Variants in CCNB3 observed in about 807,000 individuals in gnomAD.
The protein encoded by CCNB3 is cyclin B3, also known as G2/mitotic-specific cyclin-B3.
CCNB3 carries 12 observed loss-of-function variants against 68.0 expected under a neutral mutation model. The ratio of observed to expected loss-of-function variants is 0.18; its 90% CI spans 0.11 to 0.29. The LOEUF is 0.29. CCNB3 is among the 10% of genes least tolerant of loss of function. The pLI, the probability that CCNB3 is intolerant of heterozygous loss-of-function variation, is 1.00. For missense variants in CCNB3, 904 were observed against 993.1 expected (o/e 0.91, Z 1.21); for synonymous variants, 354 against 388.9 (o/e 0.91, Z 1.06).
chrX:50,303,845 T>C (rs782343452), intron 5 of CCNB3, among the ~76,000 whole-genome samples: 100 of 111,331 alleles, frequency 9.0e-4, no homozygotes, highest in African/African-American at 3.2e-3. Flanking sequence ...TCTGAAGAAG[T>C]CTAATTTGTT....
chrX:50,303,602 A>G (rs781824600), intron 5 of CCNB3, among the ~76,000 whole-genome samples: 1 of 110,453 alleles, frequency 9.1e-6, no homozygotes, highest in Non-Finnish European at 1.9e-5. Context: ...GTCTGTTTGG[A>G]TCTTTTGCCC....
At position 50,309,255 on chromosome X, in the gene CCNB3, T is replaced by C. The variant is rs782552876; in HGVS notation, c.1086T>C (p.Leu362=). 6 of 1,211,171 alleles carry C rather than the reference T, an allele frequency of 5.0e-6. No homozygotes were observed. The highest frequency in any genetic ancestry group is 6.7e-6 in the Non-Finnish European group (6 of 895,263). Residue 362 remains leucine, a synonymous_variant, in exon 6 of 13, where the codon CTT becomes CTC. Transcript: ENST00000376042. ...AGACCAACTTTAAAGAGGATTCCCTTGTTAAGGAGTCGTTAGCCTTTAAGA... is the reference window on the plus strand; with the variant it reads ...AGACCAACTTTAAAGAGGATTCCCTCGTTAAGGAGTCGTTAGCCTTTAAGA... ...LQKTNFKEDS[L]VKESLAFKKK...
rs1264385306 is a variant in CCNB3, at chrX:50,226,279, ATTTATATATATAG to A, written c.-113+21330_-113+21342del. ...ATATTTATATATATAGAATATATAT[ATTTATATATATAG>A]AATATATATATAGAAATATATAAAC... On this transcript the variant is annotated intron_variant, in intron 1 of 12. Coordinates refer to ENST00000376042, the MANE Select transcript of CCNB3 (RefSeq NM_033031.3). Among the ~76,000 whole-genome samples the A allele has an allele frequency of 2.0e-3, 132 of 64,397 alleles. 2 individuals are homozygous for A. The highest frequency in any genetic ancestry group is 9.0e-3 in the African/African-American group (129 of 14,277). 55.9% of individuals were successfully genotyped at this position (64,397 alleles called of 115,157 possible).
chrX:50,335,607 A>T (rs1328115597), intron 8 of CCNB3, among the ~76,000 whole-genome samples: 3 of 111,962 alleles, frequency 2.7e-5, no homozygotes, highest in Non-Finnish European at 5.6e-5. Context: ...CCCCAGGCTT[A>T]ACTTCTATGA....
rs782768940 is a variant in CCNB3, at chrX:50,309,235, A to G, written c.1066A>G (p.Asn356Asp). The G allele has an allele frequency of 4.1e-6, 5 of 1,211,328 alleles. No individual in the cohort carries two copies. In the South Asian group the frequency reaches 8.8e-5, roughly 21 times the overall value. ...GAAATCATTGGCCTTGCAGAAGACC[A>G]ACTTTAAAGAGGATTCCCTTGTTAA... Reference protein sequence around the residue: ...LKKSLALQKTNFKEDSLVKES... With the variant: ...LKKSLALQKTDFKEDSLVKES... The change falls in exon 6 of 13, where the codon AAC becomes GAC. Residue 356 changes from asparagine to aspartate, a missense_variant. This residue lies in a region of CCNB3 where 619 missense variants were observed against 609.8 expected (regional missense o/e 1.02). Coordinates refer to ENST00000376042, the MANE Select transcript of CCNB3 (RefSeq NM_033031.3).
At chrX:50,227,162 A>G (rs1168424651) in intron 1 of CCNB3, among the ~76,000 whole-genome samples, 1 of 82,087 alleles carries the variant, frequency 1.2e-5, no homozygotes, top group Admixed American at 1.7e-4. Context: ...ATATATGTAG[A>G]ATATATATAT....
At chrX:50,298,833 A>G (rs782715310) in intron 5 of CCNB3, among the ~76,000 whole-genome samples, 1 of 111,822 alleles carries the variant, frequency 8.9e-6, no homozygotes, top group South Asian at 3.8e-4. Flanking sequence ...CTATTCAGAG[A>G]TTCAACTTCT....
Position 50,226,047 on chromosome X carries a change from A to G in CCNB3, c.-113+21097A>G, listed in dbSNP as rs1054602099. Among the ~76,000 whole-genome samples the G allele has an allele frequency of 1.4e-4, 13 of 91,120 alleles. No homozygotes were observed. In the East Asian group the frequency reaches 3.9e-3, roughly 27 times the overall value. The allele number at this position is 91,120 out of a possible 115,157, so 79.1% of individuals were successfully genotyped here. On this transcript the variant is annotated intron_variant, in intron 1 of 12. Transcript: ENST00000376042. ...AAATATATATATAGAATATATATACAAATATATATAGAATATATACGAATA... is the reference window on the plus strand; with the variant it reads ...AAATATATATATAGAATATATATACGAATATATATAGAATATATACGAATA...
At chrX:50,326,541 A>G (rs960643989) in intron 8 of CCNB3, among the ~76,000 whole-genome samples, 18 of 110,655 alleles carry the variant, frequency 1.6e-4, no homozygotes, top group Non-Finnish European at 7.6e-5. Context: ...TTTATCTCTT[A>G]ATTCTGGGAG....
At chrX:50,325,676 T>C (rs782475475) in intron 8 of CCNB3, among the ~76,000 whole-genome samples, 5 of 112,239 alleles carry the variant, frequency 4.5e-5, no homozygotes, top group African/African-American at 1.6e-4. Context: ...GACTGTATTT[T>C]AAATTTAGGC....
chrX:50,218,796 C>T (rs1197523995), intron 1 of CCNB3, among the ~76,000 whole-genome samples: 2 of 111,794 alleles, frequency 1.8e-5, no homozygotes, highest in Non-Finnish European at 3.8e-5. Context: ...GGCATATACC[C>T]AGTGATGGGA....
intron 1 of CCNB3, among the ~76,000 whole-genome samples, chrX:50,218,427 C>T (rs1384964023): frequency 1.8e-5 from 2 of 111,043 alleles, no homozygotes. Context: ...GCTATTCCTC[C>T]CCTAGGCCCC....
At chrX:50,297,611 G>C (rs782704694) in intron 5 of CCNB3, among the ~76,000 whole-genome samples, 1 of 111,949 alleles carries the variant, frequency 8.9e-6, no homozygotes, top group South Asian at 3.7e-4. Flanking sequence ...TTGTCAATGC[G>C]GGCTCTTTTT....
Position 50,284,225 on chromosome X carries a change from G to A in CCNB3, c.-112-317G>A, listed in dbSNP as rs188401582. Reference sequence around the variant, plus strand: ...TTCCCCCTACTCCTTCACCATCTTCGTCCTTAGGTAATTTTAGTTTGCCCT... The same window carrying A: ...TTCCCCCTACTCCTTCACCATCTTCATCCTTAGGTAATTTTAGTTTGCCCT... On this transcript the variant is annotated intron_variant, in intron 1 of 12. Coordinates refer to ENST00000376042, the MANE Select transcript of CCNB3 (RefSeq NM_033031.3). Among the ~76,000 whole-genome samples, 19 of 110,173 alleles carry A rather than the reference G, an allele frequency of 1.7e-4. No homozygotes were observed. The South Asian group carries it at 2.8e-3, about 16-fold the overall frequency.
At chrX:50,302,381 G>C (rs782660655) in intron 5 of CCNB3, among the ~76,000 whole-genome samples, 2 of 112,047 alleles carry the variant, frequency 1.8e-5, no homozygotes, top group African/African-American at 3.2e-5. Flanking sequence ...AGGAAAACTA[G>C]TAATAGCTGC....
chrX:50,279,192 T>C (rs1354760881), intron 1 of CCNB3, among the ~76,000 whole-genome samples: 1 of 4,316 alleles, frequency 2.3e-4, no homozygotes, highest in Admixed American at 7.3e-3. Flanking sequence ...ATATATTCTC[T>C]ATATATAAAT....
At chrX:50,347,181 A>G (rs1376553439) in intron 10 of CCNB3, among the ~76,000 whole-genome samples, 3 of 111,328 alleles carry the variant, frequency 2.7e-5, no homozygotes, top group Non-Finnish European at 5.6e-5. Flanking sequence ...GTATTGTGCA[A>G]ATGAGTGCGA....
At chrX:50,303,473 C>A (rs1306276141) in intron 5 of CCNB3, among the ~76,000 whole-genome samples, 1 of 108,379 alleles carries the variant, frequency 9.2e-6, no homozygotes, top group Non-Finnish European at 1.9e-5. Flanking sequence ...TTTTAAACAC[C>A]CATCATGGTG....
In CCNB3 at chrX:50,338,541, T is replaced by G. The variant is rs781828109; in HGVS notation, c.3517-3661T>G. Among the ~76,000 whole-genome samples the G allele has an allele frequency of 6.2e-5, 7 of 112,117 alleles. No homozygotes were observed. In the East Asian group the frequency reaches 1.7e-3, roughly 27 times the overall value. On this transcript the variant is annotated intron_variant, in intron 8 of 12. Transcript: ENST00000376042. ...TTTCACAGTGCTTTTCCATACAATGTCTGGTATCTATAGATAACATAACCA... is the reference window on the plus strand; with the variant it reads ...TTTCACAGTGCTTTTCCATACAATGGCTGGTATCTATAGATAACATAACCA...
Sources: allele counts gnomAD v4.1 joint callset (sites outside exome capture counted in the v4.1 genomes callset), GRCh38; gene constraint gnomAD v4.1.1; regional missense constraint gnomAD v4.1.1; transcripts MANE v1.5; gene names NCBI Gene and HGNC (gene_info 2026-07-23, HGNC 2026-07-21).